Variants in CHD8 observed in about 807,000 individuals in gnomAD.
CHD8 encodes ATP-dependent chromatin remodeler CHD8.
In CHD8, 31 loss-of-function variants were observed where a neutral mutation model predicts 279.2. The observed-to-expected ratio is 0.11, with a 90% CI of 0.08 to 0.15. CHD8 has a LOEUF of 0.15. Among genes scored for constraint, CHD8 ranks in the 10% least tolerant of loss-of-function variants. CHD8 has a pLI of 1.00. For synonymous variants in CHD8, 1,081 were observed against 1,139.6 expected, an observed-to-expected ratio of 0.95 and a Z score of 1.04; for missense variants, 2,146 against 3,230.5, an observed-to-expected ratio of 0.66 and a Z score of 8.14.
chr14:21,416,073 A>G, intron 5 of CHD8, 166 bp from the exon 6 acceptor site: 3 of 628,856 alleles, frequency 4.8e-6, no homozygotes, highest in Non-Finnish European at 5.6e-6. Context: ...TGATTATGCT[A>G]TGTACTGACC....
At position 21,397,806 on chromosome 14, in the gene CHD8, C is replaced by G; in HGVS notation, c.5051+17G>C. On this transcript the variant is annotated intron_variant, in intron 27 of 37. Coordinates refer to ENST00000646647, the MANE Select transcript of CHD8 (RefSeq NM_001170629.2). Reference sequence around the variant, plus strand: ...GGCACAAGTTAGAGTTTTAAAAGAACAAATACTAATGCTTACCCTTCTACT... The same window carrying G: ...GGCACAAGTTAGAGTTTTAAAAGAAGAAATACTAATGCTTACCCTTCTACT... 6.2e-7 allele frequency: 1 copy of G among 1,611,214 alleles called. No homozygotes were observed. Among genetic ancestry groups the G allele is most frequent in the Non-Finnish European group, 8.5e-7 (1 of 1,178,176 alleles).
intron 28 of CHD8, 58 bp from the exon 29 acceptor site, chr14:21,395,410 G>T: frequency 2.4e-6 from 3 of 1,255,022 alleles, no homozygotes; most frequent in Non-Finnish European, 3.4e-6. Flanking sequence ...GGGGAAGTTG[G>T]CACTCTGAAA....
intron 1 of CHD8, among the ~76,000 whole-genome samples, chr14:21,439,289 G>A (rs753359474): frequency 4.6e-5 from 7 of 152,034 alleles, no homozygotes; most frequent in Non-Finnish European, 1.0e-4. Context: ...TACCACTGTC[G>A]CTAAAAACAC....
chr14:21,414,733 C>T (rs999169367), intron 8 of CHD8: 6 of 617,868 alleles, frequency 9.7e-6, no homozygotes, highest in Non-Finnish European at 1.7e-5. Flanking sequence ...CAGGAACCAC[C>T]CTCACCCCAC....
chr14:21,397,800 A>G (rs1428530891), intron 27 of CHD8, 23 bp downstream of exon 27: 1 of 1,609,170 alleles, frequency 6.2e-7, no homozygotes, highest in Admixed American at 1.7e-5. Context: ...TAGAGTTTTA[A>G]AAGAACAAAT....
chr14:21,438,636 C>T (rs1222625159), intron 1 of CHD8, among the ~76,000 whole-genome samples: 1 of 151,368 alleles, frequency 6.6e-6, no homozygotes, highest in Non-Finnish European at 1.5e-5. Context: ...AGATCTAGAC[C>T]ATCCTGGTCA....
chr14:21,452,406 G>A (rs1468596120), intron 1 of CHD8, among the ~76,000 whole-genome samples: 1 of 152,016 alleles, frequency 6.6e-6, no homozygotes, highest in Non-Finnish European at 1.5e-5. Context: ...ACTTTGGGAG[G>A]CCGAGGCAGG....
In CHD8 at chr14:21,395,887, T is replaced by G; in HGVS notation, c.5057A>C (p.Asp1686Ala). ...AGGATCTTCACAATCTTTATCAAAGTCAACCCTAAAATTATGGAGAGGCAC... is the reference window on the plus strand; with the variant it reads ...AGGATCTTCACAATCTTTATCAAAGGCAACCCTAAAATTATGGAGAGGCAC... ...DNFSDIVEGV[D>A]FDKDCEDPEY... Residue 1686 changes from aspartate to alanine, a missense_variant, in exon 28 of 38, where the codon GAC (aspartate) becomes GCC (alanine). Physicochemically the swap from Asp to Ala is moderately radical, Grantham distance 126. This residue lies in a region of CHD8 where 75 missense variants were observed against 81.3 expected (regional missense o/e 0.92). Transcript: ENST00000646647. The G allele has an allele frequency of 6.2e-7, 1 of 1,609,276 alleles. No individual in the cohort carries two copies. The highest frequency in any genetic ancestry group is 8.5e-7 in the Non-Finnish European group (1 of 1,175,950).
At chr14:21,418,806 G>A (rs1888874179) in intron 5 of CHD8, among the ~76,000 whole-genome samples, 1 of 152,210 alleles carries the variant, frequency 6.6e-6, no homozygotes, top group African/African-American at 2.4e-5. Flanking sequence ...GGGCGACACA[G>A]GGAGACTCCG....
chr14:21,446,115 C>A (rs1890113714), intron 1 of CHD8, among the ~76,000 whole-genome samples: 1 of 152,118 alleles, frequency 6.6e-6, no homozygotes, highest in African/African-American at 2.4e-5. Context: ...TTGCTTGAAC[C>A]CAGGCAGCAG....
Position 21,400,677 on chromosome 14 carries a change from A to G in CHD8, c.4371-65T>C. Reference sequence around the variant, plus strand: ...TGACAGTCCCCTGTCCCTCAGAATCATGTCTCTGAAAAGGTGTGAAACAAA... The same window carrying G: ...TGACAGTCCCCTGTCCCTCAGAATCGTGTCTCTGAAAAGGTGTGAAACAAA... On this transcript the variant is annotated intron_variant, in intron 22 of 37. Transcript: ENST00000646647. The surrounding 1 kb of genome is among the most constrained non-coding windows in gnomAD (Gnocchi z 4.2). The G allele has an allele frequency of 7.0e-7, 1 of 1,423,710 alleles. No individual in the cohort carries two copies. Among genetic ancestry groups the G allele is most frequent in the Non-Finnish European group, 9.4e-7 (1 of 1,065,072 alleles). The allele number at this position is 1,423,710 out of a possible 1,614,324, so 88.2% of individuals were successfully genotyped here.
At chr14:21,412,246 A>C (rs1301511618) in intron 10 of CHD8, among the ~76,000 whole-genome samples, 1 of 152,064 alleles carries the variant, frequency 6.6e-6, no homozygotes, top group Non-Finnish European at 1.5e-5. Flanking sequence ...CCCGGGTTCA[A>C]GCGATTCTCC....
Position 21,405,074 on chromosome 14 carries a change from T to C in CHD8, c.3307+135A>G, listed in dbSNP as rs1390051388. On this transcript the variant is annotated intron_variant, in intron 16 of 37. Coordinates refer to ENST00000646647, the MANE Select transcript of CHD8 (RefSeq NM_001170629.2). This position sits in a 1 kb window ranked among gnomAD's most constrained non-coding sequence, Gnocchi z 4.2. ...AGTCTCTTTTTTAAAAGGAGAACCA[T>C]TTCCCTCCCATTCCTCAGTCCGCAC... The C allele has an allele frequency of 2.7e-6, 2 of 754,058 alleles. No individual in the cohort carries two copies. Among genetic ancestry groups the C allele is most frequent in the African/African-American group, 1.8e-5 (1 of 56,734 alleles). The allele number at this position is 754,058 out of a possible 1,614,324, so 46.7% of individuals were successfully genotyped here. A position where few individuals can be genotyped will look rare whatever the true frequency, so the allele number is the denominator to read the frequency against.
chr14:21,400,914 G>C lies in CHD8; in HGVS notation c.4331C>G (p.Thr1444Ser). The change falls in exon 22 of 38, where the codon ACT becomes AGT. Residue 1444 changes from threonine (T) to serine (S), a missense_variant. Physicochemically the swap from Thr to Ser is moderately conservative, Grantham distance 58. Coordinates refer to ENST00000646647, the MANE Select transcript of CHD8 (RefSeq NM_001170629.2). This position sits in a 1 kb window ranked among gnomAD's most constrained non-coding sequence, Gnocchi z 4.2. ...RHDRHHAYGR[T>S]DCFRVEKHLL... ...ATGCTTTTCCACCCGAAAGCAGTCAGTGCGCCCATAGGCATGATGACGGTC... is the reference window on the plus strand; with the variant it reads ...ATGCTTTTCCACCCGAAAGCAGTCACTGCGCCCATAGGCATGATGACGGTC... 6.2e-7 allele frequency: 1 copy of C among 1,613,442 alleles called. No homozygotes were observed. Among genetic ancestry groups the C allele is most frequent in the South Asian group, 1.1e-5 (1 of 91,004 alleles).
intron 37 of CHD8, among the ~76,000 whole-genome samples, 164 bp downstream of exon 37, chr14:21,390,783 A>C (rs1887496147): frequency 7.5e-6 from 1 of 133,656 alleles, no homozygotes; most frequent in African/African-American, 2.7e-5. Context: ...AAAAAAAAAA[A>C]ACCCCAGAAA....
intron 2 of CHD8, 182 bp from the exon 3 acceptor site, chr14:21,429,517 G>T: frequency 2.6e-6 from 2 of 768,306 alleles, no homozygotes; most frequent in Non-Finnish European, 4.6e-6. Context: ...TTTAGACAGG[G>T]TCTCGCTGTA....
At position 21,406,916 on chromosome 14, in the gene CHD8, T is replaced by C; in HGVS notation, c.2847A>G (p.Glu949=). ...EIEWRCVIID[E]AHRLKNRNCK... ...AATTACGGTTTTTCAGTCGATGGGC[T>C]TCATCAATGATAACACAACGCCATT... The change falls in exon 14 of 38, where the codon GAA becomes GAG. Residue 949 remains glutamate (E), a synonymous_variant. Coordinates refer to ENST00000646647, the MANE Select transcript of CHD8 (RefSeq NM_001170629.2). 6.2e-7 allele frequency: 1 copy of C among 1,613,578 alleles called. No individual in the cohort carries two copies.
chr14:21,445,599 G>T (rs1368705279), intron 1 of CHD8, among the ~76,000 whole-genome samples: 1 of 144,150 alleles, frequency 6.9e-6, no homozygotes, highest in Non-Finnish European at 1.5e-5. Flanking sequence ...TGAGGCAGGA[G>T]AATTGCTTGA....
chr14:21,424,628 G>A (rs1410408443), intron 5 of CHD8, among the ~76,000 whole-genome samples: 1 of 151,908 alleles, frequency 6.6e-6, no homozygotes, highest in Non-Finnish European at 1.5e-5. Flanking sequence ...CCACCACCAC[G>A]CCCGGCTAAT....
Sources: gnomAD v4.1 joint callset for allele counts (sites outside exome capture counted in the v4.1 genomes callset) on GRCh38, gnomAD v4.1.1 for gene constraint, gnomAD v4.1.1 regional missense constraint, Gnocchi (gnomAD v3.1) non-coding constraint, MANE v1.5 for transcripts, NCBI Gene and HGNC (gene_info 2026-07-23, HGNC 2026-07-21) for gene names.